TRIM49: variants seen among roughly 807,000 people sequenced by gnomAD.
TRIM49 encodes tripartite motif containing 49, also known as tripartite motif-containing protein 49.
In TRIM49, 5 loss-of-function variants were observed where a neutral mutation model predicts 27.4. That is an observed-to-expected ratio of 0.18 (90% CI 0.10 to 0.38). The LOEUF is 0.38. TRIM49 is among the 10% of genes least tolerant of loss of function. TRIM49 has a pLI of 1.00. For missense variants in TRIM49, 188 were observed against 487.5 expected (o/e 0.39, Z 5.79); for synonymous variants, 69 against 166.0 (o/e 0.42, Z 4.49).
chr11:89,768,125 C>T, the TRIM49 span: 1 of 859,800 alleles, frequency 1.2e-6, no homozygotes, highest in East Asian at 3.2e-5. Context: ...ACTGGGAAGG[C>T]TGCCCATAGA....
the TRIM49 span, chr11:89,776,965 T>C: frequency 3.2e-5 from 49 of 1,516,190 alleles, 3 homozygotes; most frequent in South Asian, 3.0e-4. Context: ...CTTTTTTTTT[T>C]TTAATTTTCA....
chr11:89,808,117 A>T (rs1230535978), intron 1 of TRIM49, among the ~76,000 whole-genome samples: 1 of 143,872 alleles, frequency 7.0e-6, no homozygotes, highest in Non-Finnish European at 1.5e-5. Flanking sequence ...CATAACTTTT[A>T]GCATATAGGC....
At chr11:89,803,373 C>A (rs1200596321) in intron 4 of TRIM49, among the ~76,000 whole-genome samples, 1 of 140,306 alleles carries the variant, frequency 7.1e-6, no homozygotes, top group East Asian at 2.1e-4. Flanking sequence ...TGCCAAATAA[C>A]CCTTTTGCCT....
At chr11:89,769,600 T>C in the TRIM49 span, among the ~76,000 whole-genome samples, 5 of 127,938 alleles carry the variant, frequency 3.9e-5, no homozygotes, top group Non-Finnish European at 1.6e-5. Context: ...CTGAGCTGGA[T>C]GAGAGATAGA....
the TRIM49 span, among the ~76,000 whole-genome samples, chr11:89,767,572 C>T: frequency 8.0e-6 from 1 of 124,308 alleles, no homozygotes; most frequent in Admixed American, 7.6e-5. Flanking sequence ...AGATTCCTTG[C>T]CAGAATTATC....
the TRIM49 span, chr11:89,778,009 T>A: frequency 1.8e-6 from 1 of 564,872 alleles, no homozygotes; most frequent in African/African-American, 1.9e-5. Context: ...ATTTTGTTCA[T>A]TAGTGGTAAG....
the TRIM49 span, chr11:89,787,448 G>A: frequency 2.6e-6 from 1 of 386,490 alleles, no homozygotes; most frequent in East Asian, 5.1e-5. Flanking sequence ...GGAGGGCGCA[G>A]AGCAGCACAA....
At chr11:89,800,216 C>T (rs1949723668) in intron 6 of TRIM49, among the ~76,000 whole-genome samples, 1 of 151,440 alleles carries the variant, frequency 6.6e-6, no homozygotes, top group Admixed American at 6.5e-5. Context: ...TTGTTCTCTC[C>T]CCTTTTAGCA....
chr11:89,789,895 G>A, the TRIM49 span, among the ~76,000 whole-genome samples: 1 of 151,596 alleles, frequency 6.6e-6, no homozygotes, highest in Non-Finnish European at 1.5e-5. Context: ...ACTGGGGCTT[G>A]TCAGACAGTG....
intron 4 of TRIM49, among the ~76,000 whole-genome samples, chr11:89,802,875 G>A (rs1949749885): frequency 6.7e-6 from 1 of 149,360 alleles, no homozygotes; most frequent in South Asian, 2.1e-4. Flanking sequence ...ATATATTTGT[G>A]TATTGACAAT....
chr11:89,802,547 C>G (rs1949746487), intron 4 of TRIM49, among the ~76,000 whole-genome samples: 1 of 150,834 alleles, frequency 6.6e-6, no homozygotes, highest in Non-Finnish European at 1.5e-5. Flanking sequence ...TTCTCTCCAA[C>G]TAGAATTACA....
the TRIM49 span, chr11:89,786,197 G>C: frequency 1.4e-3 from 171 of 126,490 alleles, 4 homozygotes; most frequent in African/African-American, 5.9e-3. Context: ...CTGGAGGCGC[G>C]GGGCAGAGGC....
the TRIM49 span, among the ~76,000 whole-genome samples, chr11:89,773,677 G>A: frequency 1.5e-5 from 2 of 136,258 alleles, no homozygotes; most frequent in Non-Finnish European, 3.0e-5. Flanking sequence ...AGTGGCTCAC[G>A]CTTGTAATCC....
intron 2 of TRIM49, among the ~76,000 whole-genome samples, chr11:89,804,766 G>A (rs1949774972): frequency 6.6e-6 from 1 of 151,200 alleles, no homozygotes; most frequent in Admixed American, 6.6e-5. Context: ...TGGAAATTGG[G>A]TTTTGATTCT....
chr11:89,787,754 G>A, the TRIM49 span: 85,018 of 751,360 alleles, frequency 0.11, 2,984 homozygotes, highest in Admixed American at 0.28. Flanking sequence ...GGCCAAGGAG[G>A]AGAAACCCGA....
At chr11:89,796,204 A>T (rs1160237293), downstream of TRIM49, among the ~76,000 whole-genome samples, 2 of 152,038 alleles carry the variant, frequency 1.3e-5, no homozygotes, top group Non-Finnish European at 2.9e-5. Flanking sequence ...TAGCGCATTT[A>T]TAATATATTG....
chr11:89,806,999 TATC>T, intron 2 of TRIM49, 97 bp downstream of exon 2: 1 of 150,042 alleles, frequency 6.7e-6, no homozygotes, highest in South Asian at 2.1e-4. Flanking sequence ...TTACAAATGG[TATC>T]ATTGTGTAGA....
chr11:89,803,867 T>C (rs1388352458), intron 3 of TRIM49, 74 bp from the exon 4 acceptor site: 1 of 775,068 alleles, frequency 1.3e-6, no homozygotes, highest in African/African-American at 1.8e-5. Flanking sequence ...GAGAGACAAA[T>C]AAGCCCCTAG....
intron 1 of TRIM49, among the ~76,000 whole-genome samples, chr11:89,807,695 AT>A (rs1252266821): frequency 1.3e-5 from 2 of 150,706 alleles, no homozygotes; most frequent in African/African-American, 2.5e-5. Context: ...CACCTGGCTA[AT>A]TTTTTTTGTT....
Sources: gnomAD v4.1 joint callset for allele counts (sites outside exome capture counted in the v4.1 genomes callset) on GRCh38, gnomAD v4.1.1 for gene constraint, MANE v1.5 for transcripts, NCBI Gene and HGNC (gene_info 2026-07-23, HGNC 2026-07-21) for gene names.